Variants in PRKG1 observed in about 807,000 individuals in gnomAD.
PRKG1 encodes cGMP-dependent protein kinase 1.
Under a neutral mutation model 88.1 loss-of-function variants are expected in PRKG1, and 35 were observed. The ratio of observed to expected loss-of-function variants is 0.40; its 90% CI spans 0.30 to 0.53. The LOEUF (loss-of-function observed/expected upper bound fraction) is 0.53. PRKG1 is among the 20% of genes least tolerant of loss of function. The probability of loss-of-function intolerance (pLI) is 0.59; values close to 1 mark genes in which losing one functional copy is unlikely to be tolerated. For synonymous variants in PRKG1, 303 were observed against 292.5 expected (o/e 1.04, Z -0.37); for missense variants, 540 against 839.8 (o/e 0.64, Z 4.41).
intron 4 of PRKG1, among the ~76,000 whole-genome samples, chr10:51,806,063 A>G (rs1279931019): frequency 1.3e-5 from 2 of 152,064 alleles, no homozygotes; most frequent in Non-Finnish European, 1.5e-5. Context: ...TGTTGTGTGT[A>G]TGTGTGTGTA....
At chr10:51,646,824 C>A (rs983674370) in intron 3 of PRKG1, among the ~76,000 whole-genome samples, 2 of 151,844 alleles carry the variant, frequency 1.3e-5, no homozygotes, top group African/African-American at 2.4e-5. Flanking sequence ...GAAAGATGGA[C>A]AAAATAGGTG....
chr10:51,481,142 T>G (rs1267990501), intron 3 of PRKG1, among the ~76,000 whole-genome samples: 7 of 152,168 alleles, frequency 4.6e-5, no homozygotes. Context: ...ACTTTGACTA[T>G]TTCTTTAGCA....
chr10:51,970,035 CACACACACACACACA>C (rs1564733401), intron 5 of PRKG1, among the ~76,000 whole-genome samples: 19 of 128,604 alleles, frequency 1.5e-4, no homozygotes, highest in East Asian at 1.0e-3. Context: ...CACACACACA[CACACACACACACACA>C]CCCATATTTA....
In PRKG1 at chr10:51,745,121, TA is replaced by T. The variant is rs1245874901; in HGVS notation, c.593-59459del. The stretch of plus-strand genomic sequence containing the variant: ...CATTCTAAAGATTAAAAATAGAAAG[TA>T]AAAAGTTATATATTTTTTGTCTCAC... On this transcript the variant is annotated intron_variant, in intron 3 of 17. Transcript: ENST00000373980. 2.6e-5 allele frequency among the ~76,000 whole-genome samples: 4 copies of T among 152,172 alleles called. No homozygotes were observed. In the East Asian group the frequency reaches 7.7e-4, roughly 29 times the overall value.
At chr10:52,042,201 C>A (rs1364990606) in intron 5 of PRKG1, among the ~76,000 whole-genome samples, 10 of 152,088 alleles carry the variant, frequency 6.6e-5, no homozygotes, top group African/African-American at 2.4e-4. Flanking sequence ...TAAGGGCATT[C>A]TTTGCAGAAA....
At chr10:51,678,771 T>G (rs964654102) in intron 3 of PRKG1, among the ~76,000 whole-genome samples, 1 of 152,230 alleles carries the variant, frequency 6.6e-6, no homozygotes, top group Non-Finnish European at 1.5e-5. Flanking sequence ...ACATGATCCC[T>G]GGAGCTCAAG....
At chr10:51,626,071 T>C (rs184460951) in intron 3 of PRKG1, among the ~76,000 whole-genome samples, 26 of 152,338 alleles carry the variant, frequency 1.7e-4, no homozygotes, top group African/African-American at 5.5e-4. Context: ...CCTTAATATT[T>C]ACAGGCATCT....
intron 1 of PRKG1, among the ~76,000 whole-genome samples, chr10:51,122,811 G>A (rs1177808914): frequency 6.6e-6 from 1 of 152,126 alleles, no homozygotes; most frequent in East Asian, 1.9e-4. Context: ...GTGTCACTGT[G>A]CATACTACAA....
At chr10:51,690,789 GGTGGCGAGCACCT>G (rs1221534888) in intron 3 of PRKG1, among the ~76,000 whole-genome samples, 33 of 151,696 alleles carry the variant, frequency 2.2e-4, no homozygotes, top group Admixed American at 1.1e-3. Context: ...AGCTGGGTGT[GGTGGCGAGCACCT>G]GTACTCCCAG....
intron 3 of PRKG1, among the ~76,000 whole-genome samples, chr10:51,802,067 A>T (rs1201142080): frequency 6.6e-6 from 1 of 152,160 alleles, no homozygotes; most frequent in Non-Finnish European, 1.5e-5. Flanking sequence ...GTGAATGAAG[A>T]GATATATTTT....
At chr10:51,932,075 T>C (rs186667191) in intron 5 of PRKG1, among the ~76,000 whole-genome samples, 1 of 152,276 alleles carries the variant, frequency 6.6e-6, no homozygotes, top group East Asian at 1.9e-4. Context: ...GGTAGGATAA[T>C]TTTTGTTAAT....
intron 3 of PRKG1, among the ~76,000 whole-genome samples, chr10:51,608,550 C>T (rs971423458): frequency 6.6e-6 from 1 of 152,172 alleles, no homozygotes; most frequent in Non-Finnish European, 1.5e-5. Context: ...ATGATTCTAA[C>T]ATCAGTGGTC....
At chr10:52,034,022 G>C (rs1213649389) in intron 5 of PRKG1, among the ~76,000 whole-genome samples, 3 of 151,742 alleles carry the variant, frequency 2.0e-5, no homozygotes, top group Non-Finnish European at 4.4e-5. Context: ...ACTTTCACAA[G>C]GTAATGTCAT....
rs1842366407 is a variant in PRKG1, at chr10:52,295,661, T to C, written c.*1761T>C. 6.6e-6 allele frequency: 1 copy of C among 151,992 alleles called. No individual in the cohort carries two copies. The highest frequency in any genetic ancestry group is 2.1e-4 in the South Asian group (1 of 4,832). 9.4% of individuals were successfully genotyped at this position (151,992 alleles called of 1,614,324 possible). A position where few individuals can be genotyped will look rare whatever the true frequency, so the allele number is the denominator to read the frequency against. ...TGCTTTTTTTTTCAGTAGAGTTTTC[T>C]TTTTAATCAATCAAACGCCTACATT... On this transcript the variant is annotated 3_prime_UTR_variant, in exon 18 of 18. Coordinates refer to ENST00000373980, the MANE Select transcript of PRKG1 (RefSeq NM_006258.4).
At chr10:51,720,758 A>G (rs1841992995) in intron 3 of PRKG1, among the ~76,000 whole-genome samples, 1 of 151,910 alleles carries the variant, frequency 6.6e-6, no homozygotes, top group African/African-American at 2.4e-5. Flanking sequence ...TAGAACACAC[A>G]CTCTTAATAG....
At chr10:51,659,794 A>T (rs1335493220) in intron 3 of PRKG1, among the ~76,000 whole-genome samples, 1 of 152,068 alleles carries the variant, frequency 6.6e-6, no homozygotes, top group Non-Finnish European at 1.5e-5. Context: ...TAAATGAGAG[A>T]CCCTGAATCC....
At chr10:51,004,290 C>A (rs1842919233) in intron 1 of PRKG1, among the ~76,000 whole-genome samples, 1 of 152,128 alleles carries the variant, frequency 6.6e-6, no homozygotes, top group African/African-American at 2.4e-5. Context: ...ATGGAGAAAC[C>A]CCGTCTCTAC....
intron 7 of PRKG1, among the ~76,000 whole-genome samples, chr10:52,073,304 T>G (rs1041363818): frequency 6.6e-6 from 1 of 152,198 alleles, no homozygotes; most frequent in African/African-American, 2.4e-5. Flanking sequence ...ATTCACAGGT[T>G]TGAGGGCTAG....
intron 3 of PRKG1, among the ~76,000 whole-genome samples, chr10:51,704,119 G>A (rs190666666): frequency 6.8e-6 from 1 of 147,704 alleles, no homozygotes; most frequent in Non-Finnish European, 1.5e-5. Flanking sequence ...ACTCCAGCCT[G>A]GGCAACAGAG....
Sources: gnomAD v4.1 joint callset for allele counts (sites outside exome capture counted in the v4.1 genomes callset) on GRCh38, gnomAD v4.1.1 for gene constraint, MANE v1.5 for transcripts, NCBI Gene and HGNC (gene_info 2026-07-23, HGNC 2026-07-21) for gene names.